The following AFAP1 variants were observed in gnomAD, a reference collection of about 807,000 sequenced individuals.
The protein encoded by AFAP1 is actin filament associated protein 1.
A neutral mutation model predicts 93.9 loss-of-function variants in AFAP1; 75 were observed. That is an observed-to-expected ratio of 0.80 (90% confidence interval 0.66 to 0.97). The LOEUF (loss-of-function observed/expected upper bound fraction) is 0.97. Ranked by LOEUF, AFAP1 falls within the 50% of genes least tolerant of loss-of-function variation. The probability of loss-of-function intolerance (pLI) is 0.00; values close to 1 mark genes in which losing one functional copy is unlikely to be tolerated. For missense variants in AFAP1, 1,201 were observed against 1,050.8 expected (o/e 1.14, Z -1.98); for synonymous variants, 517 against 430.7 (o/e 1.20, Z -2.48).
At chr4:7,921,057 T>C (rs1419136453) in intron 1 of AFAP1, among the ~76,000 whole-genome samples, 1 of 151,494 alleles carries the variant, frequency 6.6e-6, no homozygotes, top group African/African-American at 2.4e-5. Flanking sequence ...CCAAAGAAAA[T>C]GCATTTTCAA....
chr4:7,834,397 ACT>A (rs1168244590), intron 6 of AFAP1, among the ~76,000 whole-genome samples: 1 of 152,210 alleles, frequency 6.6e-6, no homozygotes, highest in Non-Finnish European at 1.5e-5. Context: ...AAGACTACCA[ACT>A]GGGTGCAGTG....
At chr4:7,855,899 T>C (rs953103956) in intron 3 of AFAP1, among the ~76,000 whole-genome samples, 2 of 152,182 alleles carry the variant, frequency 1.3e-5, no homozygotes, top group South Asian at 4.1e-4. Flanking sequence ...GTTCAGATGC[T>C]GCCCCAGGGG....
intron 3 of AFAP1, among the ~76,000 whole-genome samples, chr4:7,866,654 T>C (rs934652035): frequency 6.6e-6 from 1 of 152,016 alleles, no homozygotes; most frequent in Non-Finnish European, 1.5e-5. Context: ...AGCCAGAAAA[T>C]GGAAGAACTG....
At chr4:7,932,218 GA>G (rs921737850) in intron 1 of AFAP1, among the ~76,000 whole-genome samples, 1 of 144,978 alleles carries the variant, frequency 6.9e-6, no homozygotes, top group Non-Finnish European at 1.5e-5. Flanking sequence ...TATTGCACAG[GA>G]AAAAAAACTT....
intron 9 of AFAP1, among the ~76,000 whole-genome samples, chr4:7,807,370 G>A (rs1005498299): frequency 3.9e-5 from 6 of 152,190 alleles, no homozygotes; most frequent in Non-Finnish European, 7.3e-5. Flanking sequence ...TCCAAGAAAG[G>A]CAGAGGTCAG....
At chr4:7,781,658 C>G in intron 12 of AFAP1, 31 bp from the exon 13 acceptor site, 1 of 1,547,730 alleles carries the variant, frequency 6.5e-7, no homozygotes, top group Non-Finnish European at 8.7e-7. Context: ...TGGTTAGTGA[C>G]TTGGACACAG....
intron 1 of AFAP1, among the ~76,000 whole-genome samples, chr4:7,915,831 C>G (rs1005661713): frequency 6.6e-5 from 10 of 151,310 alleles, no homozygotes; most frequent in Non-Finnish European, 1.0e-4. Context: ...CTTTCTTTCT[C>G]ACTTTCCCAG....
chr4:7,774,296 CGAG>C (rs1715849989), intron 15 of AFAP1: 1 of 160,626 alleles, frequency 6.2e-6, no homozygotes, highest in Non-Finnish European at 1.4e-5. Context: ...TCTCAACAAA[CGAG>C]GGGCTGCTTC....
At chr4:7,765,630 C>T (rs1714446039) in intron 17 of AFAP1, among the ~76,000 whole-genome samples, 1 of 152,184 alleles carries the variant, frequency 6.6e-6, no homozygotes, top group South Asian at 2.1e-4. Flanking sequence ...GATTGAGTTC[C>T]AGAAAGAGGA....
chr4:7,933,564 C>T lies in AFAP1; in HGVS notation c.-3+6092G>A, dbSNP rs572912650. Among the ~76,000 whole-genome samples the T allele has an allele frequency of 6.6e-5, 10 of 152,278 alleles. No homozygotes were observed. In the South Asian group the frequency reaches 2.1e-3, roughly 32 times the overall value. ...CTCCAGCCTGGGCAACAGTGCGAGACTCCGTCTCAAAAAAAATATTTAAAA... is the reference window on the plus strand; with the variant it reads ...CTCCAGCCTGGGCAACAGTGCGAGATTCCGTCTCAAAAAAAATATTTAAAA... On this transcript the variant is annotated intron_variant, in intron 1 of 17. Transcript: ENST00000420658.
rs954087036 is a variant in AFAP1, at chr4:7,939,334, C to T, written c.-3+322G>A. The T allele has an allele frequency of 1.3e-5, 4 of 316,434 alleles. No individual in the cohort carries two copies. The highest frequency in any genetic ancestry group is 2.5e-5 in the Non-Finnish European group (4 of 159,986). The allele number at this position is 316,434 out of a possible 1,614,324, so 19.6% of individuals were successfully genotyped here. A position where few individuals can be genotyped will look rare whatever the true frequency, so the allele number is the denominator to read the frequency against. On this transcript the variant is annotated intron_variant, in intron 1 of 17. Coordinates refer to ENST00000420658, the MANE Select transcript of AFAP1 (RefSeq NM_001134647.2). This position sits in a 1 kb window ranked among gnomAD's most constrained non-coding sequence, Gnocchi z 5.6. The stretch of plus-strand genomic sequence containing the variant: ...GCCCCACGAGTGGGTCTTCGCAGGG[C>T]CCCCTCTGACGCACACGGGGACCAG...
At chr4:7,888,994 G>C (rs746195274) in intron 1 of AFAP1, among the ~76,000 whole-genome samples, 1 of 152,056 alleles carries the variant, frequency 6.6e-6, no homozygotes, top group Non-Finnish European at 1.5e-5. Flanking sequence ...GTTTCACCAT[G>C]TTGGCCAGAC....
At chr4:7,801,298 C>T (rs772441892) in intron 9 of AFAP1, among the ~76,000 whole-genome samples, 2 of 152,120 alleles carry the variant, frequency 1.3e-5, no homozygotes, top group Non-Finnish European at 2.9e-5. Flanking sequence ...GGTGAAGCTG[C>T]CCGGAGGAAA....
At chr4:7,888,009 T>C (rs765557770) in intron 1 of AFAP1, among the ~76,000 whole-genome samples, 3 of 152,140 alleles carry the variant, frequency 2.0e-5, no homozygotes, top group Non-Finnish European at 2.9e-5. Context: ...GTATTTTTGG[T>C]AGTGACATGG....
At chr4:7,868,285 TAC>T (rs1716653505) in intron 3 of AFAP1, among the ~76,000 whole-genome samples, 1 of 152,200 alleles carries the variant, frequency 6.6e-6, no homozygotes, top group African/African-American at 2.4e-5. Flanking sequence ...CCACAAGGTC[TAC>T]AGATACTTTT....
intron 6 of AFAP1, among the ~76,000 whole-genome samples, chr4:7,831,388 A>C (rs1397192377): frequency 1.5e-5 from 2 of 135,320 alleles, no homozygotes; most frequent in African/African-American, 5.5e-5. Flanking sequence ...AAAATCAGCA[A>C]ATGCTAAAAA....
chr4:7,935,380 A>G (rs568416637), intron 1 of AFAP1, among the ~76,000 whole-genome samples: 329 of 152,362 alleles, frequency 2.2e-3, no homozygotes, highest in Non-Finnish European at 3.4e-3. Flanking sequence ...AAAAAGAACT[A>G]AAGTTATCTT....
intron 1 of AFAP1, among the ~76,000 whole-genome samples, chr4:7,936,501 A>C (rs766999970): frequency 4.0e-5 from 6 of 151,822 alleles, no homozygotes; most frequent in Admixed American, 3.9e-4. Flanking sequence ...TACTGTTTGA[A>C]AGAATTAATT....
chr4:7,807,773 G>A (rs1298622845), intron 9 of AFAP1, among the ~76,000 whole-genome samples: 2 of 152,210 alleles, frequency 1.3e-5, no homozygotes, highest in African/African-American at 2.4e-5. Flanking sequence ...AGATCACACT[G>A]TGAAAGCTGC....
Sources: allele counts gnomAD v4.1 joint callset (sites outside exome capture counted in the v4.1 genomes callset), GRCh38; gene constraint gnomAD v4.1.1; non-coding constraint Gnocchi (gnomAD v3.1); transcripts MANE v1.5; gene names NCBI Gene and HGNC (gene_info 2026-07-23, HGNC 2026-07-21).